The following PIK3CA variants were observed in gnomAD, a reference collection of about 807,000 sequenced individuals.
The protein encoded by PIK3CA is phosphatidylinositol-4,5-bisphosphate 3-kinase catalytic subunit alpha.
PIK3CA carries 27 observed loss-of-function variants against 138.2 expected under a neutral mutation model. The ratio of observed to expected loss-of-function variants is 0.20; its 90% CI spans 0.14 to 0.27. PIK3CA has a LOEUF of 0.27. Ranked by LOEUF, PIK3CA falls within the 10% of genes least tolerant of loss-of-function variation. The pLI is 1.00. For missense variants in PIK3CA, 544 were observed against 1,277.4 expected (o/e 0.43, Z 8.75); for synonymous variants, 358 against 413.2 (o/e 0.87, Z 1.62).
At chr3:179,155,033 C>T (rs1466979421) in intron 1 of PIK3CA, among the ~76,000 whole-genome samples, 9 of 152,018 alleles carry the variant, frequency 5.9e-5, no homozygotes. Flanking sequence ...TATAGTAAAG[C>T]CAAGGAAATC....
chr3:179,202,975 C>G, intron 4 of PIK3CA, among the ~76,000 whole-genome samples: 1 of 131,396 alleles, frequency 7.6e-6, no homozygotes, highest in East Asian at 2.2e-4. Flanking sequence ...GAGTCTTGCT[C>G]TGTCGCCCAG....
At chr3:179,214,584 A>AAT (rs1724794570) in intron 9 of PIK3CA, among the ~76,000 whole-genome samples, 2 of 152,174 alleles carry the variant, frequency 1.3e-5, no homozygotes, top group South Asian at 4.1e-4. Flanking sequence ...AAAAGCTTGA[A>AAT]ATATTATAAG....
intron 1 of PIK3CA, among the ~76,000 whole-genome samples, chr3:179,150,321 ATAGTT>A (rs755930449): frequency 3.3e-5 from 5 of 152,214 alleles, no homozygotes; most frequent in Non-Finnish European, 7.3e-5. Context: ...AAATCACAAA[ATAGTT>A]TATTTAAAAA....
In PIK3CA at chr3:179,230,401, A is replaced by G; in HGVS notation, c.2936+25A>G. 1 of 1,557,116 alleles carries G rather than the reference A, an allele frequency of 6.4e-7. No individual in the cohort carries two copies. Among genetic ancestry groups the G allele is most frequent in the East Asian group, 2.2e-5 (1 of 44,552 alleles). On this transcript the variant is annotated intron_variant, in intron 20 of 20. Coordinates refer to ENST00000263967, the MANE Select transcript of PIK3CA (RefSeq NM_006218.4). The surrounding 1 kb of genome is among the most constrained non-coding windows in gnomAD (Gnocchi z 5.4). Reference sequence around the variant, plus strand: ...GGTGAGCTCGAGCAATTAAAAACACAAAATAAAGAGTTCTGGCTGCTCTAT... The same window carrying G: ...GGTGAGCTCGAGCAATTAAAAACACGAAATAAAGAGTTCTGGCTGCTCTAT...
At chr3:179,160,345 A>C (rs1370594177) in intron 1 of PIK3CA, among the ~76,000 whole-genome samples, 1 of 151,128 alleles carries the variant, frequency 6.6e-6, no homozygotes, top group African/African-American at 2.5e-5. Context: ...TAAAGATAAG[A>C]ATTTGCCATC....
intron 1 of PIK3CA, among the ~76,000 whole-genome samples, chr3:179,178,147 A>G (rs999903690): frequency 1.4e-5 from 2 of 143,946 alleles, no homozygotes; most frequent in African/African-American, 2.6e-5. Flanking sequence ...TTAGCTAGGC[A>G]TGGAGGCATG....
At chr3:179,171,475 G>A (rs111747135) in intron 1 of PIK3CA, among the ~76,000 whole-genome samples, 3,023 of 152,030 alleles carry the variant, frequency 0.02, 107 homozygotes, top group African/African-American at 0.069. Context: ...ATCAAAAGCT[G>A]GTTCTTTAAA....
chr3:179,150,049 G>A (rs1007602736), intron 1 of PIK3CA, among the ~76,000 whole-genome samples: 1 of 151,492 alleles, frequency 6.6e-6, no homozygotes, highest in Non-Finnish European at 1.5e-5. Context: ...AAGCACTGAG[G>A]TCCGATTGAC....
intron 1 of PIK3CA, among the ~76,000 whole-genome samples, chr3:179,185,605 G>A (rs904150621): frequency 2.0e-5 from 3 of 152,182 alleles, no homozygotes; most frequent in African/African-American, 4.8e-5. Context: ...CATTTCCAAT[G>A]GCAGTCATAA....
chr3:179,215,996 C>T (rs1724828342), intron 9 of PIK3CA, among the ~76,000 whole-genome samples: 2 of 152,132 alleles, frequency 1.3e-5, no homozygotes, highest in Non-Finnish European at 2.9e-5. Context: ...GCCAGTAGTG[C>T]CATCCTGCTA....
rs542837057 is a variant in PIK3CA at position 179,203,182 on chromosome 3, C to T, written c.814-362C>T. 1.4e-4 allele frequency among the ~76,000 whole-genome samples: 21 copies of T among 152,074 alleles called. No homozygotes were observed. The South Asian group carries it at 3.7e-3, about 27-fold the overall frequency. ...GTCTCGATCTCCTGACCTCGTGATC[C>T]GCCCGCCTCGGCCTCCCAAAGTGCT... On this transcript the variant is annotated intron_variant, in intron 4 of 20. Transcript: ENST00000263967.
At chr3:179,182,565 C>G (rs1167967466) in intron 1 of PIK3CA, among the ~76,000 whole-genome samples, 1 of 151,894 alleles carries the variant, frequency 6.6e-6, no homozygotes, top group Non-Finnish European at 1.5e-5. Flanking sequence ...CCTAGCTACT[C>G]GTGAAGCTGA....
intron 6 of PIK3CA, among the ~76,000 whole-genome samples, chr3:179,208,038 G>T (rs1724614603): frequency 6.6e-6 from 1 of 151,990 alleles, no homozygotes; most frequent in Non-Finnish European, 1.5e-5. Context: ...TTCAGCCTGG[G>T]CACATAGCAA....
chr3:179,169,138 G>A (rs1300890256), intron 1 of PIK3CA: 2 of 152,170 alleles, frequency 1.3e-5, no homozygotes, highest in Non-Finnish European at 2.9e-5. Context: ...ATCCTATAGA[G>A]AACTTCAGTT....
At chr3:179,179,006 T>C (rs949785490) in intron 1 of PIK3CA, among the ~76,000 whole-genome samples, 6 of 152,224 alleles carry the variant, frequency 3.9e-5, no homozygotes, top group Non-Finnish European at 7.3e-5. Context: ...CATATTGTTA[T>C]CATAAATGCT....
intron 6 of PIK3CA, among the ~76,000 whole-genome samples, chr3:179,207,640 C>T (rs1724600056): frequency 6.6e-6 from 1 of 151,690 alleles, no homozygotes; most frequent in African/African-American, 2.4e-5. Context: ...CTGCCTCAGC[C>T]TCCTGAGTAG....
At chr3:179,171,884 T>C (rs1049255762) in intron 1 of PIK3CA, among the ~76,000 whole-genome samples, 3 of 152,070 alleles carry the variant, frequency 2.0e-5, no homozygotes, top group Non-Finnish European at 4.4e-5. Context: ...ATTCATTTTA[T>C]GAGGACAGTA....
At position 179,237,259 on chromosome 3, in the gene PIK3CA, G is replaced by A. The variant is rs1024807026; in HGVS notation, c.*2895G>A. 9 of 193,940 alleles carry A rather than the reference G, an allele frequency of 4.6e-5. No individual in the cohort carries two copies. Among genetic ancestry groups the A allele is most frequent in the Non-Finnish European group, 7.5e-5 (7 of 93,136 alleles). The allele number at this position is 193,940 out of a possible 1,614,324, so 12.0% of individuals were successfully genotyped here. On this transcript the variant is annotated 3_prime_UTR_variant, in exon 21 of 21. Transcript: ENST00000263967. ...GATTTTTAAAAGAAGAATGGAATTT[G>A]GTTGCTATTTTACAATAGAACCTAA...
intron 9 of PIK3CA, among the ~76,000 whole-genome samples, chr3:179,212,663 A>G (rs1036936435): frequency 6.6e-6 from 1 of 151,130 alleles, no homozygotes; most frequent in South Asian, 2.1e-4. Flanking sequence ...CTGGTCTCGA[A>G]CTCCTGAGCT....
Sources: allele counts gnomAD v4.1 joint callset (sites outside exome capture counted in the v4.1 genomes callset), GRCh38; gene constraint gnomAD v4.1.1; non-coding constraint Gnocchi (gnomAD v3.1); transcripts MANE v1.5; gene names NCBI Gene and HGNC (gene_info 2026-07-23, HGNC 2026-07-21).